NCAM2: variants seen among roughly 807,000 people sequenced by gnomAD.
NCAM2 encodes neural cell adhesion molecule 2.
Under a neutral mutation model 98.1 loss-of-function variants are expected in NCAM2, and 30 were observed. The ratio of observed to expected loss-of-function variants is 0.31; its 90% CI spans 0.23 to 0.41. The LOEUF (loss-of-function observed/expected upper bound fraction) is 0.41. Ranked by LOEUF, NCAM2 falls within the 10% of genes least tolerant of loss-of-function variation. The pLI is 1.00. For synonymous variants in NCAM2, 368 were observed against 342.4 expected, an observed-to-expected ratio of 1.07 and a Z score of -0.83; for missense variants, 867 against 1,005.8, an observed-to-expected ratio of 0.86 and a Z score of 1.87.
At chr21:21,303,066 C>T (rs1267233120) in intron 5 of NCAM2, among the ~76,000 whole-genome samples, 2 of 151,784 alleles carry the variant, frequency 1.3e-5, no homozygotes, top group Non-Finnish European at 2.9e-5. Context: ...CATGAACCTC[C>T]GCATGGGAAC....
At chr21:21,245,344 T>C (rs571882341) in intron 1 of NCAM2, among the ~76,000 whole-genome samples, 1 of 152,352 alleles carries the variant, frequency 6.6e-6, no homozygotes, top group South Asian at 2.1e-4. Flanking sequence ...TCTATGTTCA[T>C]ATGTGAGTGA....
chr21:21,484,355 A>T (rs984059171), intron 15 of NCAM2, among the ~76,000 whole-genome samples: 1 of 151,834 alleles, frequency 6.6e-6, no homozygotes, highest in African/African-American at 2.4e-5. Context: ...TCCTACTGTC[A>T]CGTTTTTTCT....
At chr21:21,372,075 C>T (rs566662817) in intron 8 of NCAM2, among the ~76,000 whole-genome samples, 6 of 151,840 alleles carry the variant, frequency 4.0e-5, no homozygotes, top group South Asian at 2.1e-4. Context: ...TGACAATAAA[C>T]GTCTAGTCAG....
intron 1 of NCAM2, among the ~76,000 whole-genome samples, chr21:21,255,860 A>G (rs1207887710): frequency 6.6e-6 from 1 of 152,200 alleles, no homozygotes; most frequent in Non-Finnish European, 1.5e-5. Context: ...CTCTTTCCTC[A>G]GAATACAGCT....
intron 1 of NCAM2, among the ~76,000 whole-genome samples, chr21:21,172,208 A>G (rs2068148523): frequency 6.6e-6 from 1 of 152,084 alleles, no homozygotes; most frequent in Non-Finnish European, 1.5e-5. Context: ...TTAAGAGGAA[A>G]AAATAACAGA....
chr21:21,405,196 T>C (rs1254469059), intron 9 of NCAM2, among the ~76,000 whole-genome samples: 1 of 152,074 alleles, frequency 6.6e-6, no homozygotes, highest in Non-Finnish European at 1.5e-5. Flanking sequence ...CTAACAAGAC[T>C]CTTTTAGTTT....
At chr21:21,217,979 T>C (rs948985546) in intron 1 of NCAM2, among the ~76,000 whole-genome samples, 2 of 152,092 alleles carry the variant, frequency 1.3e-5, no homozygotes, top group African/African-American at 4.8e-5. Context: ...AGCCATAGAA[T>C]CTCCAGAATG....
chr21:21,295,028 A>G (rs1413074962), intron 5 of NCAM2, among the ~76,000 whole-genome samples: 1 of 151,644 alleles, frequency 6.6e-6, no homozygotes, highest in Non-Finnish European at 1.5e-5. Flanking sequence ...AATTGCTACT[A>G]ATTTTTATCT....
chr21:21,126,573 TTGTA>T (rs527650753), intron 1 of NCAM2, among the ~76,000 whole-genome samples: 33 of 152,162 alleles, frequency 2.2e-4, no homozygotes, highest in African/African-American at 7.2e-4. Context: ...TGTATTCTAA[TTGTA>T]TGTGTGTGCA....
chr21:21,375,299 A>C (rs1028077636), intron 9 of NCAM2, among the ~76,000 whole-genome samples: 1 of 151,550 alleles, frequency 6.6e-6, no homozygotes, highest in Non-Finnish European at 1.5e-5. Flanking sequence ...AAAACTATTC[A>C]TACAGTTGTT....
At chr21:21,126,403 T>C (rs926616649) in intron 1 of NCAM2, among the ~76,000 whole-genome samples, 3 of 151,950 alleles carry the variant, frequency 2.0e-5, no homozygotes, top group African/African-American at 7.2e-5. Context: ...CATCCATACA[T>C]ATGCACAGGT....
At chr21:21,197,423 C>A (rs2069044852) in intron 1 of NCAM2, among the ~76,000 whole-genome samples, 2 of 152,164 alleles carry the variant, frequency 1.3e-5, no homozygotes, top group Non-Finnish European at 2.9e-5. Context: ...AGCCACCGTG[C>A]CCAGCCCCTC....
intron 1 of NCAM2, among the ~76,000 whole-genome samples, chr21:21,157,294 T>C (rs2146752037): frequency 6.6e-6 from 1 of 152,288 alleles, no homozygotes; most frequent in South Asian, 2.1e-4. Flanking sequence ...AAATGAACAC[T>C]TTGCTGTGCT....
chr21:21,496,621 G>C (rs1053531972), intron 15 of NCAM2, among the ~76,000 whole-genome samples: 1 of 151,952 alleles, frequency 6.6e-6, no homozygotes, highest in Non-Finnish European at 1.5e-5. Context: ...GTTGAATTAG[G>C]TCCCACTTGT....
rs376626212 is a variant in NCAM2 at position 21,434,975 on chromosome 21, T to A, written c.1654+2694T>A. Among the ~76,000 whole-genome samples, 59 of 152,244 alleles carry A rather than the reference T, an allele frequency of 3.9e-4. No homozygotes were observed. The South Asian group carries it at 0.012, about 32-fold the overall frequency. The stretch of plus-strand genomic sequence containing the variant: ...CATCTAAGTACCTGCCCCTTGGGGA[T>A]GTGTGACTGGAGTGCAAGCACACCA... On this transcript the variant is annotated intron_variant, in intron 12 of 17. Transcript: ENST00000400546.
chr21:21,321,069 G>T (rs185978675), intron 5 of NCAM2, among the ~76,000 whole-genome samples: 9 of 152,218 alleles, frequency 5.9e-5, no homozygotes, highest in African/African-American at 2.2e-4. Flanking sequence ...GTGTTAATCT[G>T]CTCTATCTAT....
chr21:21,457,742 T>C (rs1982369480), intron 12 of NCAM2, among the ~76,000 whole-genome samples: 2 of 152,156 alleles, frequency 1.3e-5, no homozygotes, highest in Admixed American at 6.6e-5. Context: ...GATATTCGCC[T>C]GGAAATTTCT....
At chr21:21,071,664 A>C (rs949851132) in intron 1 of NCAM2, among the ~76,000 whole-genome samples, 1 of 152,204 alleles carries the variant, frequency 6.6e-6, no homozygotes, top group Non-Finnish European at 1.5e-5. Context: ...TCATAATATT[A>C]ACTTGGTTTT....
At chr21:21,004,099 G>T (rs1057165081) in intron 1 of NCAM2, among the ~76,000 whole-genome samples, 3 of 152,156 alleles carry the variant, frequency 2.0e-5, no homozygotes, top group African/African-American at 7.2e-5. Flanking sequence ...TTAGTTACTA[G>T]AGCTCCAGTC....
Sources: allele counts gnomAD v4.1 joint callset (sites outside exome capture counted in the v4.1 genomes callset), GRCh38; gene constraint gnomAD v4.1.1; transcripts MANE v1.5; gene names NCBI Gene and HGNC (gene_info 2026-07-23, HGNC 2026-07-21).